DACH2: variants seen among roughly 807,000 people sequenced by gnomAD.
The protein encoded by DACH2 is dachshund homolog 2.
A neutral mutation model predicts 35.8 loss-of-function variants in DACH2; 17 were observed. The ratio of observed to expected loss-of-function variants is 0.48; its 90% CI spans 0.33 to 0.71. The LOEUF (loss-of-function observed/expected upper bound fraction) is 0.71. Ranked by LOEUF, DACH2 falls within the 30% of genes least tolerant of loss-of-function variation. The pLI is 0.02. For missense variants in DACH2, 469 were observed against 472.7 expected, an observed-to-expected ratio of 0.99 and a Z score of 0.07; for synonymous variants, 195 against 177.3, an observed-to-expected ratio of 1.10 and a Z score of -0.79.
chrX:86,279,018 T>C (rs1214256530), intron 1 of DACH2, among the ~76,000 whole-genome samples: 1 of 111,954 alleles, frequency 8.9e-6, no homozygotes, highest in Non-Finnish European at 1.9e-5. Context: ...GCAGGGCATC[T>C]TTAAAATAAA....
chrX:86,318,153 A>G (rs1406868378), intron 1 of DACH2, among the ~76,000 whole-genome samples: 1 of 112,216 alleles, frequency 8.9e-6, no homozygotes, highest in Non-Finnish European at 1.9e-5. Context: ...TATGTTTCAA[A>G]CCTTGTTTAC....
chrX:86,536,034 G>T (rs917747801), intron 3 of DACH2, among the ~76,000 whole-genome samples: 2 of 110,917 alleles, frequency 1.8e-5, no homozygotes, highest in Non-Finnish European at 3.8e-5. Flanking sequence ...GATAAGGTCT[G>T]CTGGTCACAG....
chrX:86,806,467 A>G (rs1249695605), intron 7 of DACH2, among the ~76,000 whole-genome samples: 2 of 111,806 alleles, frequency 1.8e-5, no homozygotes, highest in Admixed American at 9.5e-5. Context: ...GGTCCAAACC[A>G]TATCATTTTT....
At chrX:86,184,786 C>T (rs1262940800) in intron 1 of DACH2, among the ~76,000 whole-genome samples, 1 of 111,889 alleles carries the variant, frequency 8.9e-6, no homozygotes, top group Non-Finnish European at 1.9e-5. Context: ...GTTCTTAAAG[C>T]ACTTCTACAG....
chrX:86,806,384 G>A (rs1371983132), intron 7 of DACH2, among the ~76,000 whole-genome samples: 1 of 110,991 alleles, frequency 9.0e-6, no homozygotes, highest in Non-Finnish European at 1.9e-5. Flanking sequence ...CCACTCCCAC[G>A]ATCCAATCAC....
chrX:86,753,173 T>C (rs1209356819), intron 7 of DACH2, among the ~76,000 whole-genome samples: 1 of 110,926 alleles, frequency 9.0e-6, no homozygotes, highest in Non-Finnish European at 1.9e-5. Flanking sequence ...TCCAGTCTGT[T>C]ATATGTGTTA....
At chrX:86,166,361 G>T (rs1258232942) in intron 1 of DACH2, among the ~76,000 whole-genome samples, 3 of 111,008 alleles carry the variant, frequency 2.7e-5, no homozygotes, top group African/African-American at 9.8e-5. Context: ...TTCTTTTTCA[G>T]ATTGTTCACT....
intron 1 of DACH2, among the ~76,000 whole-genome samples, chrX:86,290,496 C>A (rs1430084386): frequency 8.6e-5 from 8 of 92,756 alleles, no homozygotes; most frequent in African/African-American, 3.4e-4. Context: ...AAGTCCTTGC[C>A]CATGCCTATG....
intron 1 of DACH2, among the ~76,000 whole-genome samples, chrX:86,295,692 G>T (rs1165644686): frequency 1.8e-5 from 2 of 110,941 alleles, no homozygotes; most frequent in African/African-American, 6.6e-5. Context: ...GCTTTTTGTT[G>T]TAAGAGGGCA....
chrX:86,693,475 A>T (rs931190496), intron 4 of DACH2, among the ~76,000 whole-genome samples: 2 of 112,098 alleles, frequency 1.8e-5, no homozygotes, highest in African/African-American at 6.5e-5. Context: ...AGCTTGAAAG[A>T]ATACTGAAGA....
At chrX:86,467,217 T>C (rs755988996) in intron 2 of DACH2, among the ~76,000 whole-genome samples, 2 of 111,810 alleles carry the variant, frequency 1.8e-5, no homozygotes, top group African/African-American at 6.5e-5. Flanking sequence ...TCTTGAATGC[T>C]TTGCTACTTA....
intron 3 of DACH2, among the ~76,000 whole-genome samples, chrX:86,634,550 C>A (rs2040239882): frequency 9.0e-6 from 1 of 110,807 alleles, no homozygotes; most frequent in African/African-American, 3.3e-5. Flanking sequence ...ATTTAGAATA[C>A]CAAAAGACTC....
intron 3 of DACH2, among the ~76,000 whole-genome samples, chrX:86,585,997 C>T (rs1602672191): frequency 9.0e-6 from 1 of 111,450 alleles, no homozygotes. Flanking sequence ...GTACTGCTTT[C>T]CACAGTGGTG....
intron 1 of DACH2, among the ~76,000 whole-genome samples, chrX:86,342,809 A>G (rs1213913019): frequency 9.1e-6 from 1 of 109,455 alleles, no homozygotes; most frequent in East Asian, 2.9e-4. Flanking sequence ...ATATAAATAA[A>G]TAAATTAATT....
rs750388401 is a variant in DACH2 at position 86,382,164 on chromosome X, G to A, written c.527+5302G>A. Among the ~76,000 whole-genome samples, 35 of 108,599 alleles carry A rather than the reference G, an allele frequency of 3.2e-4. No homozygotes were observed. The South Asian group carries it at 0.011, about 33-fold the overall frequency. 94.3% of individuals were successfully genotyped at this position (108,599 alleles called of 115,157 possible). A position where few individuals can be genotyped will look rare whatever the true frequency, so the allele number is the denominator to read the frequency against. ...TCTTTTCTTTTTTTTCTAAGGACACGAGCCCATGAAATAGCCTCAGGAGGT... is the reference window on the plus strand; with the variant it reads ...TCTTTTCTTTTTTTTCTAAGGACACAAGCCCATGAAATAGCCTCAGGAGGT... On this transcript the variant is annotated intron_variant, in intron 2 of 11. Coordinates refer to ENST00000373125, the MANE Select transcript of DACH2 (RefSeq NM_053281.3).
intron 4 of DACH2, among the ~76,000 whole-genome samples, chrX:86,651,955 A>G (rs910586326): frequency 8.9e-6 from 1 of 111,907 alleles, no homozygotes; most frequent in Non-Finnish European, 1.9e-5. Context: ...ATTTTATTTT[A>G]GGTTTAGGAG....
chrX:86,741,967 C>G (rs1307788525), intron 7 of DACH2, among the ~76,000 whole-genome samples: 1 of 110,058 alleles, frequency 9.1e-6, no homozygotes, highest in Non-Finnish European at 1.9e-5. Flanking sequence ...ACTAAAGGTG[C>G]CCATAATATA....
intron 5 of DACH2, among the ~76,000 whole-genome samples, chrX:86,697,115 C>T (rs1038965975): frequency 5.4e-5 from 6 of 111,620 alleles, no homozygotes; most frequent in African/African-American, 2.0e-4. Flanking sequence ...CTAAAAATCA[C>T]TTGTGAAAGT....
At chrX:86,694,947 C>T in intron 4 of DACH2, 74 bp from the exon 5 acceptor site, 1 of 788,764 alleles carries the variant, frequency 1.3e-6, no homozygotes, top group Non-Finnish European at 1.7e-6. Context: ...TGATTACAGC[C>T]CTAAAAGGGA....
Sources: gnomAD v4.1 joint callset for allele counts (sites outside exome capture counted in the v4.1 genomes callset) on GRCh38, gnomAD v4.1.1 for gene constraint, MANE v1.5 for transcripts, NCBI Gene and HGNC (gene_info 2026-07-23, HGNC 2026-07-21) for gene names.